The following PRH1 variants were observed in gnomAD, a reference collection of about 807,000 sequenced individuals.
The protein encoded by PRH1 is proline rich protein HaeIII subfamily 1.
PRH1 carries 7 observed loss-of-function variants against 7.9 expected under a neutral mutation model. The ratio of observed to expected loss-of-function variants is 0.89; its 90% CI spans 0.50 to 1.67. The LOEUF (loss-of-function observed/expected upper bound fraction) is 1.67, where lower values mean the gene tolerates loss of function less well. Ranked by LOEUF, PRH1 falls within the 40% of genes most tolerant of loss-of-function variation. The pLI is 0.00. For synonymous variants in PRH1, 45 were observed against 80.8 expected (o/e 0.56, Z 2.38); for missense variants, 109 against 223.6 (o/e 0.49, Z 3.27).
upstream of PRH1, among the ~76,000 whole-genome samples, chr12:11,048,062 T>A (rs904654072): frequency 6.6e-6 from 1 of 152,122 alleles, no homozygotes; most frequent in Non-Finnish European, 1.5e-5. Flanking sequence ...TATACCTACA[T>A]ATATATGTGA....
At chr12:11,060,359 T>C (rs1485577192) in intron 1 of PRH1, among the ~76,000 whole-genome samples, 1 of 152,164 alleles carries the variant, frequency 6.6e-6, no homozygotes, top group Non-Finnish European at 1.5e-5. Context: ...ATAATTTCTA[T>C]ACTATTTTTA....
intron 1 of PRH1, among the ~76,000 whole-genome samples, chr12:11,053,182 A>G (rs904180922): frequency 3.3e-5 from 5 of 152,274 alleles, no homozygotes; most frequent in Non-Finnish European, 7.3e-5. Context: ...CAATAGATAA[A>G]ATATAGTTCA....
chr12:10,906,347 C>G (rs575804137), intron 2 of PRH1, among the ~76,000 whole-genome samples: 3 of 152,272 alleles, frequency 2.0e-5, no homozygotes, highest in African/African-American at 7.2e-5. Context: ...AATTTTCTTA[C>G]AGGAAAATAG....
At chr12:10,913,435 A>T (rs1949928948) in intron 2 of PRH1, among the ~76,000 whole-genome samples, 1 of 149,122 alleles carries the variant, frequency 6.7e-6, no homozygotes, top group Non-Finnish European at 1.5e-5. Context: ...AGTGTGGGTG[A>T]CAAAGCGAGA....
chr12:11,020,244 T>TC (rs368668561), intron 1 of PRH1, among the ~76,000 whole-genome samples: 2,931 of 21,536 alleles, frequency 0.14, no homozygotes, highest in East Asian at 0.41. Context: ...TAACATATCA[T>TC]TTTTGACCAA....
intron 1 of PRH1, among the ~76,000 whole-genome samples, chr12:11,035,927 G>A (rs1291082742): frequency 3.3e-5 from 5 of 152,170 alleles, no homozygotes; most frequent in African/African-American, 1.2e-4. Context: ...ACGGAGTGTC[G>A]CTGTCTCCCA....
At chr12:11,010,196 T>C (rs61912292) in intron 1 of PRH1, among the ~76,000 whole-genome samples, 33,924 of 151,896 alleles carry the variant, frequency 0.22, 3,834 homozygotes, top group Non-Finnish European at 0.24. Context: ...GCTTTGCTTT[T>C]ACTAATGCAA....
chr12:11,161,220 AACT>A lies in PRH1; in HGVS notation n.39+10199_39+10201del, dbSNP rs1658552498. On this transcript the variant is annotated intron_variant and non_coding_transcript_variant, in intron 1 of 1. Coordinates refer to the PRH1 transcript ENST00000541175. The stretch of plus-strand genomic sequence containing the variant: ...AAGTGATCAGCCTATTTTAGTGAAT[AACT>A]ACATAGGGAAGGTTACTCAGACATA... 3.3e-5 allele frequency among the ~76,000 whole-genome samples: 5 copies of A among 152,348 alleles called. No individual in the cohort carries two copies. The South Asian group carries it at 1.0e-3, about 32-fold the overall frequency.
chr12:11,061,999 G>A (rs1943626765), intron 1 of PRH1: 5 of 1,613,866 alleles, frequency 3.1e-6, no homozygotes, highest in Non-Finnish European at 4.2e-6. Context: ...GAGGCTAGTA[G>A]CAAGCCAGTT....
At chr12:10,961,870 G>T (rs1938249776) in intron 2 of PRH1, among the ~76,000 whole-genome samples, 1 of 152,168 alleles carries the variant, frequency 6.6e-6, no homozygotes, top group South Asian at 2.1e-4. Flanking sequence ...AAAAGTACTG[G>T]GGTCCAAGTG....
At chr12:11,048,143 T>C (rs61912885), upstream of PRH1, among the ~76,000 whole-genome samples, 66,016 of 150,148 alleles carry the variant, frequency 0.44, 15,225 homozygotes, top group Non-Finnish European at 0.51. Context: ...CCCACACACA[T>C]ATATGTGTGT....
chr12:11,108,621 A>G (rs748280295), intron 1 of PRH1, among the ~76,000 whole-genome samples: 22 of 152,166 alleles, frequency 1.4e-4, no homozygotes, highest in South Asian at 4.1e-4. Flanking sequence ...GCAGTGAGGG[A>G]CGACGTATTC....
intron 2 of PRH1, chr12:10,937,961 T>C (rs950908480): frequency 4.6e-5 from 12 of 258,694 alleles, no homozygotes; most frequent in African/African-American, 2.7e-4. Flanking sequence ...CATACACACA[T>C]GTATTTTATA....
At position 11,060,960 on chromosome 12, in the gene PRH1, A is replaced by G. The variant is rs190353788; in HGVS notation, n.124-13772T>C. Among the ~76,000 whole-genome samples the G allele has an allele frequency of 8.5e-5, 13 of 152,404 alleles. No individual in the cohort carries two copies. In the East Asian group the frequency reaches 2.5e-3, roughly 29 times the overall value. On this transcript the variant is annotated intron_variant and non_coding_transcript_variant, in intron 1 of 4. Coordinates refer to the PRH1 transcript ENST00000541977. ...TTTGTGTGGTTCAAATAACAATAGAAAACAGCAATGTCTTTCCTGAGATAA... is the reference window on the plus strand; with the variant it reads ...TTTGTGTGGTTCAAATAACAATAGAGAACAGCAATGTCTTTCCTGAGATAA...
At chr12:10,896,139 G>T (rs973528917) in intron 2 of PRH1, among the ~76,000 whole-genome samples, 1 of 152,116 alleles carries the variant, frequency 6.6e-6, no homozygotes, top group Non-Finnish European at 1.5e-5. Flanking sequence ...ATTGACTCTG[G>T]TTGTATTTTA....
intron 1 of PRH1, among the ~76,000 whole-genome samples, chr12:11,145,390 A>C (rs963631750): frequency 1.3e-5 from 2 of 152,050 alleles, no homozygotes; most frequent in African/African-American, 4.8e-5. Flanking sequence ...ATGGGATTTC[A>C]CCATGTTGGC....
intron 1 of PRH1, chr12:11,022,555 A>C: frequency 6.2e-7 from 1 of 1,610,000 alleles, no homozygotes; most frequent in South Asian, 1.1e-5. Flanking sequence ...TGAAATGATG[A>C]GCAGAAAACA....
At chr12:11,019,039 G>A (rs1475579682) in intron 1 of PRH1, among the ~76,000 whole-genome samples, 2 of 151,966 alleles carry the variant, frequency 1.3e-5, no homozygotes, top group East Asian at 1.9e-4. Context: ...AAAAATGGGG[G>A]TATTGGTTAG....
chr12:10,988,268 C>T (rs1939750276), intron 1 of PRH1, among the ~76,000 whole-genome samples: 1 of 152,044 alleles, frequency 6.6e-6, no homozygotes, highest in Admixed American at 6.6e-5. Flanking sequence ...ACTGGTACAG[C>T]TACTATGCTA....
Sources: allele counts gnomAD v4.1 joint callset (sites outside exome capture counted in the v4.1 genomes callset), GRCh38; gene constraint gnomAD v4.1.1; transcripts MANE v1.5; gene names NCBI Gene and HGNC (gene_info 2026-07-23, HGNC 2026-07-21).